The following GALNTL6 variants were observed in gnomAD, a reference collection of about 807,000 sequenced individuals.
GALNTL6 encodes the protein polypeptide N-acetylgalactosaminyltransferase like 6.
Under a neutral mutation model 73.7 loss-of-function variants are expected in GALNTL6, and 46 were observed. That is an observed-to-expected ratio of 0.62 (90% confidence interval 0.49 to 0.80). GALNTL6 has a LOEUF of 0.80. Ranked by LOEUF, GALNTL6 falls within the 30% of genes least tolerant of loss-of-function variation. GALNTL6 has a pLI of 0.00. For synonymous variants in GALNTL6, 259 were observed against 263.7 expected (o/e 0.98, Z 0.17); for missense variants, 604 against 755.0 (o/e 0.80, Z 2.34).
At chr4:172,938,951 A>G (rs1228789303) in intron 9 of GALNTL6, among the ~76,000 whole-genome samples, 1 of 152,188 alleles carries the variant, frequency 6.6e-6, no homozygotes. Flanking sequence ...AAAACTAAAG[A>G]TGATTCACAT....
At chr4:172,975,173 G>C (rs1452543848) in intron 10 of GALNTL6, among the ~76,000 whole-genome samples, 1 of 152,180 alleles carries the variant, frequency 6.6e-6, no homozygotes, top group African/African-American at 2.4e-5. Context: ...GTGGACAACT[G>C]CAGGGTGAGC....
At chr4:172,405,433 ATATATATATATTTTTTTTTTTTT>A (rs1355226110) in intron 5 of GALNTL6, among the ~76,000 whole-genome samples, 149 of 6,408 alleles carry the variant, frequency 0.023, 3 homozygotes, top group East Asian at 0.079. Context: ...ATATATATAT[ATATATATATATTTTTTTTTTTTT>A]TTTTTTTTTT....
intron 5 of GALNTL6, among the ~76,000 whole-genome samples, chr4:172,730,800 G>T (rs1046436642): frequency 2.0e-5 from 3 of 152,142 alleles, no homozygotes; most frequent in Non-Finnish European, 4.4e-5. Context: ...ATAGGATTGG[G>T]CTGGGCACAG....
chr4:172,582,545 C>T (rs181224822), intron 5 of GALNTL6, among the ~76,000 whole-genome samples: 161 of 152,238 alleles, frequency 1.1e-3, no homozygotes, highest in African/African-American at 3.7e-3. Context: ...ACTGTAATTA[C>T]TCCATGACCC....
At chr4:171,883,235 C>A (rs1242296984) in intron 2 of GALNTL6, among the ~76,000 whole-genome samples, 1 of 151,918 alleles carries the variant, frequency 6.6e-6, no homozygotes, top group Non-Finnish European at 1.5e-5. Flanking sequence ...CCCTGTAATC[C>A]CAGCTGCTCA....
chr4:172,336,110 A>G (rs1741306345), intron 4 of GALNTL6, among the ~76,000 whole-genome samples: 1 of 151,836 alleles, frequency 6.6e-6, no homozygotes, highest in African/African-American at 2.4e-5. Context: ...CTTAACACTG[A>G]TTTTGCTGCA....
intron 7 of GALNTL6, among the ~76,000 whole-genome samples, chr4:172,832,136 T>TA (rs1742674451): frequency 6.6e-6 from 1 of 152,118 alleles, no homozygotes; most frequent in African/African-American, 2.4e-5. Context: ...GCTTTACTTC[T>TA]GTGGACCTTG....
chr4:172,668,078 GT>G (rs1281857799), intron 5 of GALNTL6: 1 of 152,140 alleles, frequency 6.6e-6, no homozygotes, highest in Non-Finnish European at 1.5e-5. Flanking sequence ...AATTTGGAGA[GT>G]TTGAGAAGGT....
intron 8 of GALNTL6, among the ~76,000 whole-genome samples, chr4:172,883,572 C>G (rs1745568723): frequency 6.6e-6 from 1 of 152,174 alleles, no homozygotes; most frequent in African/African-American, 2.4e-5. Flanking sequence ...GGGGATGGCG[C>G]TAAGCCTAAT....
intron 2 of GALNTL6, among the ~76,000 whole-genome samples, chr4:172,162,065 A>G (rs1734487388): frequency 1.3e-5 from 2 of 152,184 alleles, no homozygotes; most frequent in East Asian, 1.9e-4. Context: ...ACAAGAAGAT[A>G]TACCATAGTT....
chr4:172,309,639 A>G (rs1740278656), intron 3 of GALNTL6, among the ~76,000 whole-genome samples: 1 of 152,230 alleles, frequency 6.6e-6, no homozygotes, highest in South Asian at 2.1e-4. Flanking sequence ...ATTGTTAACT[A>G]TATAATTAGA....
At chr4:172,880,665 A>C (rs1045085330) in intron 7 of GALNTL6, among the ~76,000 whole-genome samples, 5 of 152,114 alleles carry the variant, frequency 3.3e-5, no homozygotes, top group African/African-American at 1.2e-4. Flanking sequence ...CACAACAATT[A>C]AGCTGTTTTA....
intron 5 of GALNTL6, among the ~76,000 whole-genome samples, chr4:172,528,989 G>GTATA (rs772954347): frequency 0.027 from 1,401 of 51,672 alleles, 40 homozygotes; most frequent in East Asian, 0.075. Context: ...ATACATATGT[G>GTATA]TGTATATATA....
At chr4:171,909,068 G>A (rs1006482862) in intron 2 of GALNTL6, among the ~76,000 whole-genome samples, 3 of 149,510 alleles carry the variant, frequency 2.0e-5, no homozygotes, top group Admixed American at 6.7e-5. Flanking sequence ...TGGGTGCAGC[G>A]CACCAGCATG....
chr4:172,145,730 A>T (rs1031058474), intron 2 of GALNTL6, among the ~76,000 whole-genome samples: 1 of 152,200 alleles, frequency 6.6e-6, no homozygotes, highest in Non-Finnish European at 1.5e-5. Flanking sequence ...GCTACAGGTA[A>T]TCATACTATA....
chr4:172,826,407 A>G lies in GALNTL6; in HGVS notation c.923+12684A>G, dbSNP rs138731161. Among the ~76,000 whole-genome samples, 30 of 152,314 alleles carry G rather than the reference A, an allele frequency of 2.0e-4. No individual in the cohort carries two copies. The East Asian group carries it at 5.4e-3, about 27-fold the overall frequency. On this transcript the variant is annotated intron_variant, in intron 7 of 12. Coordinates refer to ENST00000506823, the MANE Select transcript of GALNTL6 (RefSeq NM_001034845.3). Reference sequence around the variant, plus strand: ...CCTCCACAGCCCATGGGCACACACGATGCAGGTGGACAAGGAAGCCCACAC... The same window carrying G: ...CCTCCACAGCCCATGGGCACACACGGTGCAGGTGGACAAGGAAGCCCACAC...
At chr4:172,695,109 T>C (rs1379486187) in intron 5 of GALNTL6, among the ~76,000 whole-genome samples, 1 of 152,218 alleles carries the variant, frequency 6.6e-6, no homozygotes, top group African/African-American at 2.4e-5. Flanking sequence ...TCACAGTTCC[T>C]AGGGCATAAA....
At chr4:172,277,281 G>A (rs1189535236) in intron 3 of GALNTL6, among the ~76,000 whole-genome samples, 1 of 151,490 alleles carries the variant, frequency 6.6e-6, no homozygotes, top group African/African-American at 2.4e-5. Flanking sequence ...AAAATACTTC[G>A]CAACAGTGGG....
rs150626925 is a variant in GALNTL6 at position 172,653,436 on chromosome 4, G to A, written c.554-155925G>A. On this transcript the variant is annotated intron_variant, in intron 5 of 12. Coordinates refer to ENST00000506823, the MANE Select transcript of GALNTL6 (RefSeq NM_001034845.3). ...GGGTTTCACCATGTTAGCCAGGCTG[G>A]TCTTGAACTCCTGACCTCAGGTGAT... Among the ~76,000 whole-genome samples the A allele has an allele frequency of 4.1e-3, 631 of 152,122 alleles. 3 individuals carry two copies. Among genetic ancestry groups the A allele is most frequent in the African/African-American group, 0.015 (608 of 41,510 alleles).
Sources: allele counts gnomAD v4.1 joint callset (sites outside exome capture counted in the v4.1 genomes callset), GRCh38; gene constraint gnomAD v4.1.1; transcripts MANE v1.5; gene names NCBI Gene and HGNC (gene_info 2026-07-23, HGNC 2026-07-21).